STEAP3: variants seen among roughly 807,000 people sequenced by gnomAD.
STEAP3 encodes metalloreductase STEAP3.
In STEAP3, 35 loss-of-function variants were observed where a neutral mutation model predicts 34.9. The ratio of observed to expected loss-of-function variants is 1.00; its 90% CI spans 0.76 to 1.33. STEAP3 has a LOEUF of 1.33. Ranked by LOEUF, STEAP3 falls within the 40% of genes most tolerant of loss-of-function variation. The pLI, the probability that STEAP3 is intolerant of heterozygous loss-of-function variation, is 0.00. For synonymous variants in STEAP3, 281 were observed against 301.6 expected, an observed-to-expected ratio of 0.93 and a Z score of 0.71; for missense variants, 652 against 667.6, an observed-to-expected ratio of 0.98 and a Z score of 0.26.
rs1573592338 is a variant in STEAP3, at chr2:119,265,450, G to A, written c.*2112G>A. 1 of 152,186 alleles carries A rather than the reference G, an allele frequency of 6.6e-6. No individual in the cohort carries two copies. The highest frequency in any genetic ancestry group is 1.5e-5 in the Non-Finnish European group (1 of 68,066). The allele number at this position is 152,186 out of a possible 1,614,324, so 9.4% of individuals were successfully genotyped here. A position where few individuals can be genotyped will look rare whatever the true frequency, so the allele number is the denominator to read the frequency against. On this transcript the variant is annotated 3_prime_UTR_variant, in exon 6 of 6. Transcript: ENST00000393110. The stretch of plus-strand genomic sequence containing the variant: ...ACCAGGCTACTGGCAGCAGCATCCC[G>A]AGAGCACATCATCTCCACAGCCTGG...
intron 5 of STEAP3, 149 bp downstream of exon 5, chr2:119,254,997 G>C (rs1293499639): frequency 3.8e-6 from 4 of 1,042,412 alleles, no homozygotes; most frequent in Non-Finnish European, 5.5e-6. Flanking sequence ...CTGACCCAGA[G>C]GGCCCATCCA....
chr2:119,237,069 G>T (rs573564889), intron 2 of STEAP3, among the ~76,000 whole-genome samples: 1 of 152,218 alleles, frequency 6.6e-6, no homozygotes, highest in Non-Finnish European at 1.5e-5. Context: ...GAGCCACTGT[G>T]CTAGTGTGGT....
intron 2 of STEAP3, among the ~76,000 whole-genome samples, chr2:119,233,230 C>G (rs927242262): frequency 4.6e-5 from 7 of 152,240 alleles, no homozygotes; most frequent in Non-Finnish European, 1.0e-4. Flanking sequence ...CCTGAAGCCT[C>G]CTTCCATGAG....
At chr2:119,237,697 C>T (rs1003342130) in intron 2 of STEAP3, among the ~76,000 whole-genome samples, 3 of 152,256 alleles carry the variant, frequency 2.0e-5, no homozygotes, top group Non-Finnish European at 4.4e-5. Flanking sequence ...TAGTAGCAGT[C>T]TGCCATACCT....
At chr2:119,261,700 CA>C (rs1386097902) in intron 5 of STEAP3, among the ~76,000 whole-genome samples, 1 of 152,212 alleles carries the variant, frequency 6.6e-6, no homozygotes, top group East Asian at 1.9e-4. Context: ...GAACCAGCAC[CA>C]ACAGTAGAAC....
intron 1 of STEAP3, among the ~76,000 whole-genome samples, chr2:119,224,443 AGCCCTTGCCTGGCAAAGTTCCCCCTCCT>A (rs1678973542): frequency 6.6e-6 from 1 of 152,090 alleles, no homozygotes; most frequent in Non-Finnish European, 1.5e-5. Context: ...CTGCCCGCGG[AGCCCTTGCCTGGCAAAGTTCCCCCTCCT>A]GCCCGGCAAA....
rs149348257 is a variant in STEAP3, at chr2:119,262,973, G to T, written c.1216-84G>T. 9.6e-3 allele frequency: 14,859 copies of T among 1,554,922 alleles called. 100 individuals carry two copies. The highest frequency in any genetic ancestry group is 0.011 in the Non-Finnish European group (12,527 of 1,154,274). ...ACTAAAGCCACCCTCCTTCCCCTCC[G>T]CCAGGCCAGCAGATGAGTCGTTGGC... On this transcript the variant is annotated intron_variant, in intron 5 of 5. Transcript: ENST00000393110.
In STEAP3 at chr2:119,245,486, C is replaced by A. The variant is rs754786886; in HGVS notation, c.23-3C>A. 4 of 1,573,342 alleles carry A rather than the reference C, an allele frequency of 2.5e-6. No individual in the cohort carries two copies. Among genetic ancestry groups the A allele is most frequent in the Non-Finnish European group, 3.5e-6 (4 of 1,154,276 alleles). ...CTGACCAGGTTCCTGACTTCTCTTG[C>A]AGCCACCAAAATGCCAGAAGAGATG... On this transcript the variant is annotated splice_region_variant and splice_polypyrimidine_tract_variant and intron_variant, in intron 2 of 5. Transcript: ENST00000393110.
intron 4 of STEAP3, among the ~76,000 whole-genome samples, chr2:119,253,986 C>A (rs1490287813): frequency 1.3e-5 from 2 of 151,450 alleles, no homozygotes; most frequent in Non-Finnish European, 2.9e-5. Flanking sequence ...AGGCTGTGTG[C>A]CTCAGGCAGA....
chr2:119,233,105 G>A (rs1676995761), intron 2 of STEAP3, among the ~76,000 whole-genome samples: 1 of 152,220 alleles, frequency 6.6e-6, no homozygotes, highest in African/African-American at 2.4e-5. Flanking sequence ...GGCAGCAGCT[G>A]GGCCTCACCT....
At chr2:119,240,308 AGTCCCCACATGGGAGGC>A (rs1471913381) in intron 2 of STEAP3, among the ~76,000 whole-genome samples, 7 of 152,294 alleles carry the variant, frequency 4.6e-5, no homozygotes, top group African/African-American at 1.7e-4. Flanking sequence ...TTGCTCAGTC[AGTCCCCACATGGGAGGC>A]GTGCGAGGCA....
At chr2:119,253,631 G>A (rs552581320) in intron 4 of STEAP3, among the ~76,000 whole-genome samples, 2 of 152,308 alleles carry the variant, frequency 1.3e-5, no homozygotes, top group East Asian at 3.9e-4. Flanking sequence ...GTGTTTCACA[G>A]AGAACACCTT....
At chr2:119,245,384 G>A in intron 2 of STEAP3, 105 bp from the exon 3 acceptor site, 2 of 1,481,810 alleles carry the variant, frequency 1.3e-6, no homozygotes, top group South Asian at 2.7e-5. Context: ...CACCTGCTGG[G>A]TGAATGTCTG....
intron 5 of STEAP3, among the ~76,000 whole-genome samples, chr2:119,260,413 A>G (rs1268317245): frequency 6.6e-6 from 1 of 151,838 alleles, no homozygotes; most frequent in East Asian, 1.9e-4. Context: ...CCTGGGTTCA[A>G]GCGAGTAGCT....
chr2:119,244,823 G>C (rs1170581982), intron 2 of STEAP3: 1 of 152,146 alleles, frequency 6.6e-6, no homozygotes, highest in Non-Finnish European at 1.5e-5. Context: ...CTATCTTAGG[G>C]GCCCATTCAC....
intron 1 of STEAP3, among the ~76,000 whole-genome samples, chr2:119,228,715 C>T (rs927260205): frequency 2.6e-5 from 4 of 152,170 alleles, no homozygotes; most frequent in African/African-American, 7.2e-5. Flanking sequence ...AACCTTGTGT[C>T]ACCTGTGCTG....
At chr2:119,234,347 C>G (rs1402872755) in intron 2 of STEAP3, among the ~76,000 whole-genome samples, 1 of 152,248 alleles carries the variant, frequency 6.6e-6, no homozygotes, top group Admixed American at 6.5e-5. Context: ...CCACCCAGCT[C>G]CAGACGCTGA....
At chr2:119,240,126 C>T (rs907106263) in intron 2 of STEAP3, among the ~76,000 whole-genome samples, 2 of 152,214 alleles carry the variant, frequency 1.3e-5, no homozygotes, top group African/African-American at 4.8e-5. Flanking sequence ...ATTGCTTGAA[C>T]CTGGGAGGCA....
Position 119,254,757 on chromosome 2 carries a change from T to C in STEAP3, c.1124T>C (p.Val375Ala), listed in dbSNP as rs1353198489. 6.2e-7 allele frequency: 1 copy of C among 1,613,946 alleles called. No homozygotes were observed. Among genetic ancestry groups the C allele is most frequent in the African/African-American group, 1.3e-5 (1 of 74,908 alleles). Residue 375 changes from valine to alanine, a missense_variant, in exon 5 of 6, where the codon GTG becomes GCG. Val to Ala is a moderately conservative substitution (Grantham distance 64, BLOSUM62 0). Transcript: ENST00000393110. Reference sequence around the variant, plus strand: ...ATGGAGATCTACCTCTCCCTGGGAGTGCTGGCCCTCGGCACGTTGTCCCTG... The same window carrying C: ...ATGGAGATCTACCTCTCCCTGGGAGCGCTGGCCCTCGGCACGTTGTCCCTG... ...WRMEIYLSLG[V>A]LALGTLSLLA...
Sources: gnomAD v4.1 joint callset for allele counts (sites outside exome capture counted in the v4.1 genomes callset) on GRCh38, gnomAD v4.1.1 for gene constraint, MANE v1.5 for transcripts, NCBI Gene and HGNC (gene_info 2026-07-23, HGNC 2026-07-21) for gene names.